DSTN: variants seen among roughly 807,000 people sequenced by gnomAD.
DSTN encodes destrin.
A neutral mutation model predicts 16.8 loss-of-function variants in DSTN; 10 were observed. The observed-to-expected ratio is 0.60, with a 90% confidence interval of 0.37 to 1.01. The LOEUF is 1.01. DSTN is among the 50% of genes least tolerant of loss of function. DSTN has a pLI of 0.01. For missense variants in DSTN, 141 were observed against 196.7 expected (o/e 0.72, Z 1.69); for synonymous variants, 57 against 58.9 (o/e 0.97, Z 0.14).
chr20:17,590,823 A>G (rs2035461225), intron 1 of DSTN, among the ~76,000 whole-genome samples: 1 of 152,200 alleles, frequency 6.6e-6, no homozygotes, highest in African/African-American at 2.4e-5. Context: ...GAGAAATACT[A>G]GGGCTGGGCA....
intron 1 of DSTN, among the ~76,000 whole-genome samples, chr20:17,584,401 G>C (rs2035383622): frequency 6.6e-6 from 1 of 152,156 alleles, no homozygotes; most frequent in Admixed American, 6.5e-5. Context: ...TGTAATCCCT[G>C]CACTTTGGGA....
At chr20:17,599,033 G>GT (rs1342589094) in intron 1 of DSTN, among the ~76,000 whole-genome samples, 1 of 152,222 alleles carries the variant, frequency 6.6e-6, no homozygotes, top group African/African-American at 2.4e-5. Context: ...TTATAGCAGT[G>GT]TTAATAGTCA....
At chr20:17,581,063 T>C (rs2035337910) in intron 1 of DSTN, among the ~76,000 whole-genome samples, 1 of 152,208 alleles carries the variant, frequency 6.6e-6, no homozygotes, top group Non-Finnish European at 1.5e-5. Context: ...TTTATTCTGA[T>C]GACACCAGGA....
In DSTN at chr20:17,600,592, G is replaced by A. The variant is rs906395594; in HGVS notation, c.4-146G>A. The A allele has an allele frequency of 8.9e-5, 87 of 972,102 alleles. No homozygotes were observed. In the African/African-American group the frequency reaches 1.2e-3, roughly 13 times the overall value. The allele number at this position is 972,102 out of a possible 1,614,324, so 60.2% of individuals were successfully genotyped here. The stretch of plus-strand genomic sequence containing the variant: ...AAGTTTGATGTCTAAAATTAGTAGT[G>A]ATTACAGCTCAAATTTCTAGTTTTT... On this transcript the variant is annotated intron_variant, in intron 1 of 3. Coordinates refer to ENST00000246069, the MANE Select transcript of DSTN (RefSeq NM_006870.4).
intron 1 of DSTN, among the ~76,000 whole-genome samples, chr20:17,597,497 AG>A (rs1382981404): frequency 2.0e-5 from 3 of 152,168 alleles, no homozygotes; most frequent in Non-Finnish European, 4.4e-5. Context: ...TGGGGGTACA[AG>A]TGTAATTTTG....
intron 1 of DSTN, among the ~76,000 whole-genome samples, chr20:17,587,042 C>G (rs2035417331): frequency 6.6e-6 from 1 of 152,120 alleles, no homozygotes; most frequent in South Asian, 2.1e-4. Context: ...CAGTATTTGA[C>G]TTGCTCAATT....
intron 1 of DSTN, among the ~76,000 whole-genome samples, chr20:17,594,780 A>G (rs1364670089): frequency 2.6e-5 from 4 of 152,226 alleles, no homozygotes; most frequent in African/African-American, 9.6e-5. Context: ...AGATGAATGT[A>G]TCAGAGAAAG....
chr20:17,596,087 A>G (rs2122197105), intron 1 of DSTN, among the ~76,000 whole-genome samples: 1 of 152,290 alleles, frequency 6.6e-6, no homozygotes, highest in African/African-American at 2.4e-5. Context: ...ATCTGTTTTC[A>G]TTCTCTGAAA....
chr20:17,586,308 G>T (rs117976936), intron 1 of DSTN, among the ~76,000 whole-genome samples: 1 of 152,178 alleles, frequency 6.6e-6, no homozygotes. Context: ...AATTGAACTT[G>T]CAGCGTCTCC....
intron 1 of DSTN, among the ~76,000 whole-genome samples, chr20:17,593,131 G>A (rs2035487985): frequency 6.6e-6 from 1 of 152,116 alleles, no homozygotes; most frequent in Non-Finnish European, 1.5e-5. Context: ...TGTTGTATTT[G>A]CTGGGTTCTC....
chr20:17,606,788 A>G (rs139101211), intron 3 of DSTN, among the ~76,000 whole-genome samples: 3 of 152,304 alleles, frequency 2.0e-5, no homozygotes, highest in African/African-American at 7.2e-5. Context: ...TTTGTATGCT[A>G]TACCTATATA....
At chr20:17,602,005 G>A (rs992858387) in intron 2 of DSTN, among the ~76,000 whole-genome samples, 3 of 151,984 alleles carry the variant, frequency 2.0e-5, no homozygotes, top group African/African-American at 7.3e-5. Flanking sequence ...GCAAGGCAGG[G>A]AGGGACTTAG....
intron 1 of DSTN, among the ~76,000 whole-genome samples, chr20:17,585,695 C>T (rs1274798350): frequency 1.3e-5 from 2 of 151,978 alleles, no homozygotes; most frequent in Non-Finnish European, 2.9e-5. Flanking sequence ...AGTTGTGTAA[C>T]TACAGCCACA....
chr20:17,577,851 A>G (rs1049562061), intron 1 of DSTN, among the ~76,000 whole-genome samples: 10 of 152,228 alleles, frequency 6.6e-5, no homozygotes, highest in African/African-American at 2.4e-4. Context: ...GATAAAATTT[A>G]CATTTGAAAA....
intron 1 of DSTN, among the ~76,000 whole-genome samples, chr20:17,587,915 AG>A (rs2035428805): frequency 6.6e-6 from 1 of 152,230 alleles, no homozygotes; most frequent in South Asian, 2.1e-4. Flanking sequence ...TCAAGTATTC[AG>A]TAGCCACACT....
intron 1 of DSTN, among the ~76,000 whole-genome samples, chr20:17,593,434 C>T (rs1036052359): frequency 9.2e-5 from 14 of 152,238 alleles, no homozygotes; most frequent in Admixed American, 5.9e-4. Flanking sequence ...AAGGAACTTA[C>T]AGTCTTTAAG....
chr20:17,587,756 T>G (rs2035427007), intron 1 of DSTN, among the ~76,000 whole-genome samples: 1 of 152,204 alleles, frequency 6.6e-6, no homozygotes, highest in African/African-American at 2.4e-5. Flanking sequence ...AATAATATAT[T>G]GTTTTCTGAG....
chr20:17,603,177 A>AC (rs2035605176), intron 2 of DSTN, among the ~76,000 whole-genome samples: 1 of 152,142 alleles, frequency 6.6e-6, no homozygotes, highest in African/African-American at 2.4e-5. Context: ...ATCTCTGCTC[A>AC]CTAGGGTAAG....
intron 1 of DSTN, among the ~76,000 whole-genome samples, chr20:17,581,366 C>A (rs894061214): frequency 6.6e-6 from 1 of 152,074 alleles, no homozygotes; most frequent in African/African-American, 2.4e-5. Flanking sequence ...TACCTGTAGT[C>A]CTAGCTACTT....
Sources: gnomAD v4.1 joint callset for allele counts (sites outside exome capture counted in the v4.1 genomes callset) on GRCh38, gnomAD v4.1.1 for gene constraint, MANE v1.5 for transcripts, NCBI Gene and HGNC (gene_info 2026-07-23, HGNC 2026-07-21) for gene names.